The following CTDP1 variants were observed in gnomAD, a reference collection of about 807,000 sequenced individuals.
The protein encoded by CTDP1 is CTD phosphatase 1.
A neutral mutation model predicts 91.8 loss-of-function variants in CTDP1; 47 were observed. The ratio of observed to expected loss-of-function variants is 0.51; its 90% confidence interval spans 0.41 to 0.65. The LOEUF is 0.65. Among genes scored for constraint, CTDP1 ranks in the 30% least tolerant of loss-of-function variants. The pLI is 0.00. For synonymous variants in CTDP1, 656 were observed against 598.5 expected (o/e 1.10, Z -1.40); for missense variants, 1,272 against 1,373.7 (o/e 0.93, Z 1.17).
intron 11 of CTDP1, among the ~76,000 whole-genome samples, chr18:79,732,392 C>T (rs551582162): frequency 8.4e-5 from 9 of 107,106 alleles, no homozygotes; most frequent in African/African-American, 2.5e-4. Flanking sequence ...CTCCCAAAAT[C>T]ACGCGAGACA....
At chr18:79,695,084 G>A in intron 1 of CTDP1, 141 bp from the exon 2 acceptor site, 1 of 758,242 alleles carries the variant, frequency 1.3e-6, no homozygotes, top group Non-Finnish European at 2.3e-6. Flanking sequence ...GCCCTCAAGG[G>A]GTGATGTCAC....
rs34967023 is a variant in CTDP1 at position 79,717,863 on chromosome 18, T to C, written c.2264T>C (p.Leu755Ser). The change falls in exon 10 of 13, where the codon TTG becomes TCG. Residue 755 changes from leucine to serine, a missense_variant. By Grantham distance (145) the Leu-to-Ser change is moderately radical. Coordinates refer to ENST00000613122, the MANE Select transcript of CTDP1 (RefSeq NM_004715.5). ...CGGGAGGGTGTGCCCCCCACCGCCT[T>C]GTTCCACCCGATGCCGGTTCTTCCC... Reference protein sequence around the residue: ...PDREGVPPTALFHPMPVLPKA... With the variant: ...PDREGVPPTASFHPMPVLPKA... 1,318 of 1,613,636 alleles carry C rather than the reference T, an allele frequency of 8.2e-4. 14 individuals are homozygous for C. In the African/African-American group the frequency reaches 0.015, roughly 18 times the overall value.
At chr18:79,728,870 G>A in intron 10 of CTDP1, 37 bp from the exon 11 acceptor site, 1 of 1,612,128 alleles carries the variant, frequency 6.2e-7, no homozygotes, top group Non-Finnish European at 8.5e-7. Context: ...CATTCGAACT[G>A]ACCTTCCTCA....
At chr18:79,749,181 G>T (rs142082602) in intron 12 of CTDP1, among the ~76,000 whole-genome samples, 1 of 152,196 alleles carries the variant, frequency 6.6e-6, no homozygotes, top group African/African-American at 2.4e-5. Flanking sequence ...ACTCTGCCAC[G>T]GATGGCTTCC....
chr18:79,727,840 G>A (rs1304094561), intron 10 of CTDP1, among the ~76,000 whole-genome samples: 3 of 152,122 alleles, frequency 2.0e-5, no homozygotes, highest in Non-Finnish European at 2.9e-5. Context: ...AGAAACAGCC[G>A]CCTCTCAGGA....
At chr18:79,728,697 C>T (rs1035178203) in intron 10 of CTDP1, among the ~76,000 whole-genome samples, 15 of 152,216 alleles carry the variant, frequency 9.9e-5, no homozygotes, top group Admixed American at 9.8e-4. Flanking sequence ...TAGTCAGAAA[C>T]GTGTTTTGCC....
chr18:79,703,884 G>A lies in CTDP1; in HGVS notation c.622-883G>A, dbSNP rs924139957. 3.3e-5 allele frequency among the ~76,000 whole-genome samples: 5 copies of A among 152,136 alleles called. No homozygotes were observed. The East Asian group carries it at 5.8e-4, about 18-fold the overall frequency. ...GGCGTGGTTATTGGGGATGGTTATC[G>A]TGTAGTTATCACAGGCTGTTACTCT... On this transcript the variant is annotated intron_variant, in intron 4 of 12. Coordinates refer to ENST00000613122, the MANE Select transcript of CTDP1 (RefSeq NM_004715.5).
At chr18:79,701,973 G>C (rs1289411250) in intron 4 of CTDP1, among the ~76,000 whole-genome samples, 1 of 152,214 alleles carries the variant, frequency 6.6e-6, no homozygotes, top group African/African-American at 2.4e-5. Flanking sequence ...GTAGTTTCTT[G>C]AAATGGAATC....
chr18:79,738,228 AGCTCCGGGGCT>A (rs1405901937), intron 12 of CTDP1, among the ~76,000 whole-genome samples: 1 of 152,224 alleles, frequency 6.6e-6, no homozygotes, highest in African/African-American at 2.4e-5. Context: ...TCCCGTCTTC[AGCTCCGGGGCT>A]GCTCCGAGGC....
rs2087045281 is a variant in CTDP1, at chr18:79,753,666, A to G, written c.2762A>G (p.Lys921Arg). 6.2e-7 allele frequency: 1 copy of G among 1,614,154 alleles called. No homozygotes were observed. The highest frequency in any genetic ancestry group is 1.1e-5 in the South Asian group (1 of 91,080). Reference protein sequence around the residue: ...GGRGPRGHKRKLNEEDAASES... With the variant: ...GGRGPRGHKRRLNEEDAASES... ...CTTCTCTGCAGAGGCCACAAGAGGA[A>G]GCTGAATGAAGAGGACGCCGCCAGC... is the stretch of plus-strand genomic sequence containing the variant. The change falls in exon 13 of 13, where the codon AAG becomes AGG. Residue 921 changes from lysine to arginine, a missense_variant. By Grantham distance (26) the Lys-to-Arg change is conservative. This residue lies in a region of CTDP1 where 881 missense variants were observed against 911.6 expected (regional missense o/e 0.97). Coordinates refer to ENST00000613122, the MANE Select transcript of CTDP1 (RefSeq NM_004715.5).
At chr18:79,742,949 C>T (rs2086808282) in intron 12 of CTDP1, among the ~76,000 whole-genome samples, 1 of 152,228 alleles carries the variant, frequency 6.6e-6, no homozygotes, top group African/African-American at 2.4e-5. Flanking sequence ...GAGCAAGACC[C>T]TGTCACAAAA....
At chr18:79,753,510 G>C in intron 12 of CTDP1, 142 bp from the exon 13 acceptor site, 1 of 1,320,728 alleles carries the variant, frequency 7.6e-7, no homozygotes. Flanking sequence ...CCCTGGGTCG[G>C]TGGCCTGTGT....
At chr18:79,677,963 T>A (rs1003187040), upstream of CTDP1, 6 of 152,206 alleles carry the variant, frequency 3.9e-5, no homozygotes, top group East Asian at 1.9e-4. Flanking sequence ...CCCCATTTTT[T>A]AAAAATCCCA....
intron 10 of CTDP1, among the ~76,000 whole-genome samples, chr18:79,724,806 T>C (rs1022071613): frequency 6.6e-6 from 1 of 152,228 alleles, no homozygotes; most frequent in Non-Finnish European, 1.5e-5. Context: ...CTATAGTCTT[T>C]CATGCGACAC....
chr18:79,753,539 T>A, intron 12 of CTDP1, 113 bp from the exon 13 acceptor site: 1 of 1,528,490 alleles, frequency 6.5e-7, no homozygotes, highest in Non-Finnish European at 9.0e-7. Flanking sequence ...GACCAGAGAA[T>A]TGTGCCGTCT....
In CTDP1 at chr18:79,679,846, G is replaced by T; in HGVS notation, c.-102G>T. On this transcript the variant is annotated 5_prime_UTR_variant, in exon 1 of 13. The change creates a new upstream start codon in the 5' untranslated region. Transcript: ENST00000613122. ...CGACGGGTGGAAGCCGGTACCGAGA[G>T]GAACTACAGCGTCGCCGCCTGGGTT... 1 of 1,134,280 alleles carries T rather than the reference G, an allele frequency of 8.8e-7. No homozygotes were observed. The highest frequency in any genetic ancestry group is 1.2e-6 in the Non-Finnish European group (1 of 854,004). 70.3% of individuals were successfully genotyped at this position (1,134,280 alleles called of 1,614,324 possible). A position where few individuals can be genotyped will look rare whatever the true frequency, so the allele number is the denominator to read the frequency against.
At position 79,715,117 on chromosome 18, in the gene CTDP1, G is replaced by C; in HGVS notation, c.1657G>C (p.Glu553Gln). ...GGGCAACGGCTGTGCCGACAGGAAG[G>C]AGGCGGAGACCGAGTCACAGAACAG... ...GLGNGCADRK[E>Q]AETESQNSEL... Residue 553 changes from glutamate (E) to glutamine (Q), a missense_variant, in exon 8 of 13, where the codon GAG (glutamate) becomes CAG (glutamine). Coordinates refer to ENST00000613122, the MANE Select transcript of CTDP1 (RefSeq NM_004715.5). 1 of 1,613,396 alleles carries C rather than the reference G, an allele frequency of 6.2e-7. No homozygotes were observed. Among genetic ancestry groups the C allele is most frequent in the Non-Finnish European group, 8.5e-7 (1 of 1,179,928 alleles).
chr18:79,731,122 G>T (rs576085426), intron 11 of CTDP1, among the ~76,000 whole-genome samples: 1 of 152,210 alleles, frequency 6.6e-6, no homozygotes. Context: ...CTCCCTGGAG[G>T]CTGCCGTGGC....
intron 5 of CTDP1, among the ~76,000 whole-genome samples, chr18:79,708,413 C>T (rs947080823): frequency 5.9e-5 from 9 of 152,194 alleles, no homozygotes; most frequent in Non-Finnish European, 1.3e-4. Flanking sequence ...GATTAAAAGC[C>T]AGCGTGAAAA....
Sources: allele counts gnomAD v4.1 joint callset (sites outside exome capture counted in the v4.1 genomes callset), GRCh38; gene constraint gnomAD v4.1.1; regional missense constraint gnomAD v4.1.1; transcripts MANE v1.5; gene names NCBI Gene and HGNC (gene_info 2026-07-23, HGNC 2026-07-21).